Variants in IFT74 observed in about 807,000 individuals in gnomAD.
The protein encoded by IFT74 is intraflagellar transport 74, also known as intraflagellar transport protein 74 homolog.
Under a neutral mutation model 96.7 loss-of-function variants are expected in IFT74, and 92 were observed. The ratio of observed to expected loss-of-function variants is 0.95; its 90% CI spans 0.80 to 1.13. The LOEUF (loss-of-function observed/expected upper bound fraction) is 1.13, where lower values mean the gene tolerates loss of function less well. Among genes scored for constraint, IFT74 ranks in the 50% most tolerant of loss-of-function variants. The probability of loss-of-function intolerance (pLI) is 0.00; values close to 1 mark genes in which losing one functional copy is unlikely to be tolerated. For synonymous variants in IFT74, 223 were observed against 213.2 expected, an observed-to-expected ratio of 1.05 and a Z score of -0.40; for missense variants, 811 against 698.2, an observed-to-expected ratio of 1.16 and a Z score of -1.82.
chr9:27,001,068 G>A (rs928940588), intron 8 of IFT74, among the ~76,000 whole-genome samples: 1 of 152,032 alleles, frequency 6.6e-6, no homozygotes, highest in Non-Finnish European at 1.5e-5. Context: ...TTGTCTTTCT[G>A]TGCTTGGCTT....
Position 26,997,849 on chromosome 9 carries a change from G to A in IFT74, c.587+7654G>A, listed in dbSNP as rs140858779. ...GAAATAGTGGTGGTACATCCAAATA[G>A]CTAATCAAATTGCCTTGCAGATTCA... On this transcript the variant is annotated intron_variant, in intron 8 of 19. Transcript: ENST00000380062. The A allele has an allele frequency of 2.5e-6, 4 of 1,614,054 alleles. No homozygotes were observed. The African/African-American group carries it at 5.3e-5, about 22-fold the overall frequency.
Position 27,042,598 on chromosome 9 carries a change from T to A in IFT74, c.1055-2144T>A, listed in dbSNP as rs143060529. On this transcript the variant is annotated intron_variant, in intron 13 of 19. Coordinates refer to ENST00000380062, the MANE Select transcript of IFT74 (RefSeq NM_025103.4). ...AGTGTCTTGGGGTTTAAAAGCAAGATGAGAAACTGGAAACATCATGTGTAG... is the reference window on the plus strand; with the variant it reads ...AGTGTCTTGGGGTTTAAAAGCAAGAAGAGAAACTGGAAACATCATGTGTAG... Among the ~76,000 whole-genome samples, 32 of 152,196 alleles carry A rather than the reference T, an allele frequency of 2.1e-4. No homozygotes were observed. In the East Asian group the frequency reaches 6.0e-3, roughly 28 times the overall value.
At chr9:27,056,637 A>G (rs1040720256) in intron 18 of IFT74, among the ~76,000 whole-genome samples, 178 bp downstream of exon 18, 66 of 152,106 alleles carry the variant, frequency 4.3e-4, no homozygotes, top group African/African-American at 1.4e-3. Context: ...CTTACCTTCC[A>G]TAAACCTATA....
chr9:27,047,492 A>G lies in IFT74; in HGVS notation c.1206+121A>G, dbSNP rs188777784. ...CTTCTCATTTAACTGCTTCCTTTCA[A>G]TTCCCTTACTTGTTACTATTTATTT... is the stretch of plus-strand genomic sequence containing the variant. On this transcript the variant is annotated intron_variant, in intron 15 of 19. Coordinates refer to ENST00000380062, the MANE Select transcript of IFT74 (RefSeq NM_025103.4). 1,012 of 570,742 alleles carry G rather than the reference A, an allele frequency of 1.8e-3. 3 individuals carry two copies. The highest frequency in any genetic ancestry group is 4.0e-3 in the Middle Eastern group (15 of 3,728). 35.4% of individuals were successfully genotyped at this position (570,742 alleles called of 1,614,324 possible).
intron 13 of IFT74, among the ~76,000 whole-genome samples, chr9:27,033,839 C>T (rs1830236293): frequency 6.6e-6 from 1 of 151,848 alleles, no homozygotes; most frequent in Admixed American, 6.6e-5. Flanking sequence ...AAATTTCTTC[C>T]CAGAAAAGGT....
intron 8 of IFT74, among the ~76,000 whole-genome samples, chr9:27,006,119 C>A (rs1467095373): frequency 6.6e-6 from 1 of 152,142 alleles, no homozygotes; most frequent in Non-Finnish European, 1.5e-5. Flanking sequence ...GCTGGGATTA[C>A]AAGTGTGAGC....
At chr9:26,980,523 TGGTG>T in intron 3 of IFT74, 44 bp from the exon 4 acceptor site, 1 of 1,138,912 alleles carries the variant, frequency 8.8e-7, no homozygotes, top group Middle Eastern at 1.9e-4. Flanking sequence ...TTTGCTATTC[TGGTG>T]GCATTTCGAA....
intron 19 of IFT74, chr9:27,060,904 G>A (rs1322506730): frequency 5.6e-6 from 1 of 178,378 alleles, no homozygotes; most frequent in African/African-American, 2.8e-5. Context: ...GGAGCTCTCA[G>A]TGAGCCGAGA....
upstream of IFT74, among the ~76,000 whole-genome samples, chr9:26,952,554 G>T (rs990091688): frequency 6.6e-6 from 1 of 152,174 alleles, no homozygotes; most frequent in Non-Finnish European, 1.5e-5. Context: ...TGGGATTACA[G>T]GCGTGAGCCA....
intron 11 of IFT74, among the ~76,000 whole-genome samples, chr9:27,018,367 C>T (rs1248079573): frequency 2.0e-5 from 3 of 152,166 alleles, no homozygotes; most frequent in Admixed American, 6.5e-5. Context: ...TTTATATCAA[C>T]TTATCCAGGC....
intron 13 of IFT74, among the ~76,000 whole-genome samples, chr9:27,038,182 G>A (rs1819289423): frequency 6.6e-6 from 1 of 152,204 alleles, no homozygotes. Flanking sequence ...GTGCATGTTG[G>A]AAGCCATTAT....
chr9:27,030,336 C>T (rs1036690592), intron 13 of IFT74, among the ~76,000 whole-genome samples: 1 of 152,080 alleles, frequency 6.6e-6, no homozygotes, highest in Non-Finnish European at 1.5e-5. Flanking sequence ...AAGTGATCCT[C>T]CTGTCTCAGC....
chr9:26,983,081 A>G (rs1827459375), intron 4 of IFT74, among the ~76,000 whole-genome samples: 1 of 151,882 alleles, frequency 6.6e-6, no homozygotes, highest in South Asian at 2.1e-4. Flanking sequence ...CCACCCTCCC[A>G]TCATGCCCTG....
At chr9:26,987,483 T>C (rs1827690221) in intron 6 of IFT74, among the ~76,000 whole-genome samples, 1 of 152,214 alleles carries the variant, frequency 6.6e-6, no homozygotes, top group African/African-American at 2.4e-5. Context: ...ATAAAAATAC[T>C]ACCATATAAA....
intron 4 of IFT74, among the ~76,000 whole-genome samples, chr9:26,981,055 T>C (rs986918765): frequency 2.6e-5 from 4 of 151,938 alleles, no homozygotes; most frequent in African/African-American, 9.7e-5. Context: ...GGCAGAAGAG[T>C]GGAAGGGCAA....
chr9:26,976,854 T>A (rs1014326114), intron 2 of IFT74: 2 of 444,810 alleles, frequency 4.5e-6, no homozygotes, highest in Admixed American at 5.0e-5. Flanking sequence ...TTATGTTGGA[T>A]TTTGCATACC....
rs75904178 is a variant in IFT74 at position 27,012,025 on chromosome 9, G to C, written c.789+57G>C. The C allele has an allele frequency of 4.0e-3, 4,293 of 1,076,132 alleles. 216 individuals carry two copies. In the East Asian group the frequency reaches 0.097, roughly 24 times the overall value. 66.7% of individuals were successfully genotyped at this position (1,076,132 alleles called of 1,614,324 possible). A position where few individuals can be genotyped will look rare whatever the true frequency, so the allele number is the denominator to read the frequency against. ...CTACTCAGCTAAAAAAGTTAATTCA[G>C]CCAAGTATATTAATATAACTAATTC... On this transcript the variant is annotated intron_variant, in intron 10 of 19. Transcript: ENST00000380062.
At chr9:27,045,150 C>T (rs1373283063) in intron 14 of IFT74, among the ~76,000 whole-genome samples, 2 of 152,188 alleles carry the variant, frequency 1.3e-5, no homozygotes, top group Non-Finnish European at 2.9e-5. Flanking sequence ...CGAGCATTAC[C>T]GTCTGAGCTC....
intron 1 of IFT74, chr9:26,947,176 C>G: frequency 8.9e-7 from 1 of 1,119,026 alleles, no homozygotes; most frequent in Non-Finnish European, 1.2e-6. Context: ...CGGAAGAGCC[C>G]GAGAGCCGGT....
Sources: allele counts gnomAD v4.1 joint callset (sites outside exome capture counted in the v4.1 genomes callset), GRCh38; gene constraint gnomAD v4.1.1; transcripts MANE v1.5; gene names NCBI Gene and HGNC (gene_info 2026-07-23, HGNC 2026-07-21).